The following FGF14 variants were observed in gnomAD, a reference collection of about 807,000 sequenced individuals.
The protein encoded by FGF14 is fibroblast growth factor 14.
Under a neutral mutation model 25.5 loss-of-function variants are expected in FGF14, and 5 were observed. The observed-to-expected ratio is 0.20, with a 90% confidence interval of 0.10 to 0.41. The LOEUF is 0.41. Among genes scored for constraint, FGF14 ranks in the 10% least tolerant of loss-of-function variants. The pLI is 1.00. For synonymous variants in FGF14, 138 were observed against 118.3 expected, an observed-to-expected ratio of 1.17 and a Z score of -1.08; for missense variants, 222 against 320.1, an observed-to-expected ratio of 0.69 and a Z score of 2.34.
intron 1 of FGF14, among the ~76,000 whole-genome samples, chr13:102,144,650 T>C (rs1475345240): frequency 6.6e-6 from 1 of 152,172 alleles, no homozygotes; most frequent in Non-Finnish European, 1.5e-5. Flanking sequence ...ATCTGAGTTG[T>C]AGAGAATTGG....
At chr13:102,253,293 A>C (rs1170555558) in intron 1 of FGF14, among the ~76,000 whole-genome samples, 1 of 152,196 alleles carries the variant, frequency 6.6e-6, no homozygotes, top group Admixed American at 6.5e-5. Flanking sequence ...CCAACACTGT[A>C]AAAGTGTTCC....
intron 1 of FGF14, among the ~76,000 whole-genome samples, chr13:102,065,017 T>C (rs2042843878): frequency 1.3e-5 from 2 of 151,984 alleles, no homozygotes; most frequent in Non-Finnish European, 1.5e-5. Flanking sequence ...TAATATAATG[T>C]CACTCTCTTT....
chr13:102,021,784 G>A (rs16959624), intron 1 of FGF14, among the ~76,000 whole-genome samples: 4,830 of 152,082 alleles, frequency 0.032, 248 homozygotes, highest in African/African-American at 0.11. Flanking sequence ...GGGACCTAAT[G>A]TGTGTATCTG....
At chr13:102,131,446 GCTCATGGTGC>G (rs1261594791) in intron 1 of FGF14, among the ~76,000 whole-genome samples, 1 of 152,078 alleles carries the variant, frequency 6.6e-6, no homozygotes, top group African/African-American at 2.4e-5. Context: ...CTTAAGATGA[GCTCATGGTGC>G]CTCCTCCATG....
chr13:102,009,788 G>A (rs1301036186), intron 1 of FGF14, among the ~76,000 whole-genome samples: 6 of 151,944 alleles, frequency 3.9e-5, no homozygotes, highest in Non-Finnish European at 7.4e-5. Flanking sequence ...ATTTCCAAAG[G>A]AAATAATCTA....
intron 3 of FGF14, among the ~76,000 whole-genome samples, chr13:101,778,292 C>T (rs536766227): frequency 1.2e-4 from 19 of 152,292 alleles, no homozygotes; most frequent in East Asian, 3.9e-4. Context: ...CCGTTGCCAT[C>T]GCTAAGCCAC....
chr13:101,958,620 AC>A (rs749286201), intron 1 of FGF14, among the ~76,000 whole-genome samples: 5 of 152,230 alleles, frequency 3.3e-5, no homozygotes, highest in Non-Finnish European at 7.3e-5. Context: ...GACTCTGACT[AC>A]ATATAGAATA....
chr13:101,925,841 C>T (rs947004635), intron 1 of FGF14, among the ~76,000 whole-genome samples: 4 of 152,208 alleles, frequency 2.6e-5, no homozygotes, highest in African/African-American at 7.2e-5. Flanking sequence ...GGATTTAAGT[C>T]ATGATGTCTG....
At chr13:102,401,732 A>T in exon 1 of FGF14, 2 of 1,474,074 alleles carry the variant, frequency 1.4e-6, no homozygotes, top group Non-Finnish European at 1.9e-6. Flanking sequence ...CTCACGTGGT[A>T]TATTTCTTTG....
chr13:102,306,053 G>T (rs904713815), intron 1 of FGF14, among the ~76,000 whole-genome samples: 1 of 152,154 alleles, frequency 6.6e-6, no homozygotes, highest in Non-Finnish European at 1.5e-5. Flanking sequence ...AACTCATTTT[G>T]TCGGAGAGGT....
At chr13:101,738,374 C>A (rs902873723) in intron 3 of FGF14, among the ~76,000 whole-genome samples, 6 of 152,148 alleles carry the variant, frequency 3.9e-5, no homozygotes, top group Non-Finnish European at 8.8e-5. Flanking sequence ...TGATAAGAAT[C>A]AGCAACACTG....
At chr13:102,199,086 G>C (rs1020311627) in intron 1 of FGF14, among the ~76,000 whole-genome samples, 4 of 152,150 alleles carry the variant, frequency 2.6e-5, no homozygotes, top group African/African-American at 7.2e-5. Flanking sequence ...ATAGTTTAAA[G>C]TTTGTAAAGA....
Position 101,715,727 on chromosome 13 carries a change from G to A in FGF14, c.*7104C>T. 1 of 954,038 alleles carries A rather than the reference G, an allele frequency of 1.0e-6. No individual in the cohort carries two copies. The highest frequency in any genetic ancestry group is 1.7e-6 in the Non-Finnish European group (1 of 579,384). The allele number at this position is 954,038 out of a possible 1,614,324, so 59.1% of individuals were successfully genotyped here. Reference sequence around the variant, plus strand: ...AACAGATAAATGCGAAGGAAACCATGTATATTCACCACTAGGACAGGTTAA... The same window carrying A: ...AACAGATAAATGCGAAGGAAACCATATATATTCACCACTAGGACAGGTTAA... On this transcript the variant is annotated 3_prime_UTR_variant, in exon 5 of 5. Transcript: ENST00000376143.
At chr13:101,961,439 T>C (rs1055327922) in intron 1 of FGF14, among the ~76,000 whole-genome samples, 2 of 152,196 alleles carry the variant, frequency 1.3e-5, no homozygotes, top group Admixed American at 1.3e-4. Context: ...ATTTATTAGA[T>C]AGGGAATTCT....
chr13:102,204,020 C>CAGAA (rs2049790552), intron 1 of FGF14, among the ~76,000 whole-genome samples: 1 of 152,156 alleles, frequency 6.6e-6, no homozygotes, highest in African/African-American at 2.4e-5. Context: ...TCCAGTCTTG[C>CAGAA]AGAACAACAT....
intron 3 of FGF14, among the ~76,000 whole-genome samples, chr13:101,816,705 T>C (rs2041865731): frequency 6.6e-6 from 1 of 152,172 alleles, no homozygotes; most frequent in South Asian, 2.1e-4. Flanking sequence ...ATAAGTTTAA[T>C]TCTATCATAT....
At chr13:101,793,195 G>A (rs1483112077) in intron 3 of FGF14, among the ~76,000 whole-genome samples, 1 of 151,848 alleles carries the variant, frequency 6.6e-6, no homozygotes, top group East Asian at 1.9e-4. Context: ...CCAGCCTCTG[G>A]TAACCACCAT....
intron 1 of FGF14, among the ~76,000 whole-genome samples, chr13:102,252,333 T>C (rs559595655): frequency 2.1e-4 from 32 of 152,344 alleles, no homozygotes; most frequent in African/African-American, 7.5e-4. Context: ...ACTTAACTGC[T>C]GTACAACTTT....
chr13:102,200,813 AAAC>A (rs990727976), intron 1 of FGF14, among the ~76,000 whole-genome samples: 14 of 152,230 alleles, frequency 9.2e-5, no homozygotes, highest in African/African-American at 3.1e-4. Context: ...GGGCAGATAT[AAAC>A]AACAGCATTG....
Sources: allele counts gnomAD v4.1 joint callset (sites outside exome capture counted in the v4.1 genomes callset), GRCh38; gene constraint gnomAD v4.1.1; transcripts MANE v1.5; gene names NCBI Gene and HGNC (gene_info 2026-07-23, HGNC 2026-07-21).